The following GRM3 variants were observed in gnomAD, a reference collection of about 807,000 sequenced individuals.
The protein encoded by GRM3 is glutamate metabotropic receptor 3.
GRM3 carries 26 observed loss-of-function variants against 70.5 expected under a neutral mutation model. The ratio of observed to expected loss-of-function variants is 0.37; its 90% CI spans 0.27 to 0.51. The LOEUF (loss-of-function observed/expected upper bound fraction) is 0.51. GRM3 is among the 20% of genes least tolerant of loss of function. GRM3 has a pLI of 0.93. For synonymous variants in GRM3, 443 were observed against 434.9 expected (o/e 1.02, Z -0.23); for missense variants, 859 against 1,123.8 (o/e 0.76, Z 3.37).
chr7:86,663,788 A>G (rs1477758953), intron 1 of GRM3, among the ~76,000 whole-genome samples: 1 of 151,998 alleles, frequency 6.6e-6, no homozygotes, highest in African/African-American at 2.4e-5. Flanking sequence ...GAATAATCAT[A>G]TGTCTCAAAG....
intron 3 of GRM3, among the ~76,000 whole-genome samples, chr7:86,822,356 G>C (rs1226480996): frequency 6.6e-6 from 1 of 152,080 alleles, no homozygotes; most frequent in Non-Finnish European, 1.5e-5. Context: ...TATAATGTGA[G>C]AGAAAGATAG....
intron 3 of GRM3, among the ~76,000 whole-genome samples, chr7:86,799,337 T>C (rs777097525): frequency 5.3e-5 from 8 of 152,162 alleles, no homozygotes; most frequent in Non-Finnish European, 8.8e-5. Flanking sequence ...GAATACTCTT[T>C]ATTCCTTTCT....
At chr7:86,694,511 C>CAAAAAAAAAAAAAA (rs1226119828) in intron 1 of GRM3, among the ~76,000 whole-genome samples, 5 of 37,768 alleles carry the variant, frequency 1.3e-4, no homozygotes, top group Non-Finnish European at 2.0e-4. Flanking sequence ...GACTCTGTCT[C>CAAAAAAAAAAAAAA]AAAAAAAAAA....
chr7:86,821,505 C>G (rs1798118935), intron 3 of GRM3, among the ~76,000 whole-genome samples: 1 of 152,120 alleles, frequency 6.6e-6, no homozygotes, highest in Non-Finnish European at 1.5e-5. Flanking sequence ...GGACTAATCA[C>G]TTTTAATTTA....
intron 1 of GRM3, 136 bp downstream of exon 1, chr7:86,645,008 G>A (rs1793421937): frequency 5.2e-6 from 2 of 383,238 alleles, no homozygotes; most frequent in South Asian, 4.0e-5. Flanking sequence ...CCTGACTGGA[G>A]TGGGAAGGGT....
At chr7:86,684,982 C>T (rs917640096) in intron 1 of GRM3, among the ~76,000 whole-genome samples, 3 of 152,166 alleles carry the variant, frequency 2.0e-5, no homozygotes, top group African/African-American at 7.2e-5. Context: ...AAAAAGGAAG[C>T]ATGCTATCCA....
At chr7:86,663,069 T>C (rs1236179686) in intron 1 of GRM3, among the ~76,000 whole-genome samples, 1 of 151,934 alleles carries the variant, frequency 6.6e-6, no homozygotes, top group Non-Finnish European at 1.5e-5. Context: ...GACCTTTTAC[T>C]AGAAATTCAA....
At chr7:86,647,238 C>T (rs373354369) in intron 1 of GRM3, among the ~76,000 whole-genome samples, 10 of 152,116 alleles carry the variant, frequency 6.6e-5, no homozygotes, top group African/African-American at 2.4e-4. Flanking sequence ...TATTTCATGT[C>T]GAACTATCTT....
chr7:86,767,544 T>C (rs933464113), intron 2 of GRM3, among the ~76,000 whole-genome samples: 1 of 108,392 alleles, frequency 9.2e-6, no homozygotes, highest in African/African-American at 3.7e-5. Context: ...TATATATATA[T>C]ATATATATAT....
chr7:86,663,737 G>A (rs1304386494), intron 1 of GRM3, among the ~76,000 whole-genome samples: 1 of 151,964 alleles, frequency 6.6e-6, no homozygotes. Flanking sequence ...AGCCATTTAA[G>A]CCCCTGCCCA....
chr7:86,836,617 AC>A (rs1458575297), intron 3 of GRM3, among the ~76,000 whole-genome samples: 1 of 152,136 alleles, frequency 6.6e-6, no homozygotes, highest in Non-Finnish European at 1.5e-5. Context: ...GAATTGAATA[AC>A]ATCTCCCTCC....
At chr7:86,667,437 A>AT (rs1299528987) in intron 1 of GRM3, among the ~76,000 whole-genome samples, 3 of 152,074 alleles carry the variant, frequency 2.0e-5, no homozygotes, top group Admixed American at 2.0e-4. Flanking sequence ...CATTTTTCTG[A>AT]TTTTATCAAG....
Position 86,774,138 on chromosome 7 carries a change from C to T in GRM3, c.468+8525C>T, listed in dbSNP as rs183098328. Reference sequence around the variant, plus strand: ...TTTTGCCTTAATGACACAAAGTTCTCTTTCCAAATTACCATTAAATATGTG... The same window carrying T: ...TTTTGCCTTAATGACACAAAGTTCTTTTTCCAAATTACCATTAAATATGTG... On this transcript the variant is annotated intron_variant, in intron 2 of 5. Transcript: ENST00000361669. 3.3e-4 allele frequency among the ~76,000 whole-genome samples: 51 copies of T among 152,242 alleles called. 1 individual carries two copies. The East Asian group carries it at 8.5e-3, about 25-fold the overall frequency.
At chr7:86,841,268 T>C (rs1798554368) in intron 4 of GRM3, among the ~76,000 whole-genome samples, 1 of 152,172 alleles carries the variant, frequency 6.6e-6, no homozygotes, top group Admixed American at 6.5e-5. Flanking sequence ...ACTATGTAAC[T>C]GAAACCTATG....
At chr7:86,780,777 C>G (rs1333328670) in intron 2 of GRM3, among the ~76,000 whole-genome samples, 1 of 152,058 alleles carries the variant, frequency 6.6e-6, no homozygotes, top group Non-Finnish European at 1.5e-5. Flanking sequence ...GATGGCCAGT[C>G]AGTAAACGAA....
At chr7:86,719,861 A>G (rs1795415942) in intron 1 of GRM3, among the ~76,000 whole-genome samples, 1 of 151,974 alleles carries the variant, frequency 6.6e-6, no homozygotes, top group African/African-American at 2.4e-5. Flanking sequence ...CATAAAGCCA[A>G]TGACACTAGC....
chr7:86,703,352 G>C lies in GRM3; in HGVS notation c.-141+58480G>C, dbSNP rs1341235426. Among the ~76,000 whole-genome samples, 7 of 152,030 alleles carry C rather than the reference G, an allele frequency of 4.6e-5. No homozygotes were observed. In the East Asian group the frequency reaches 1.2e-3, roughly 25 times the overall value. On this transcript the variant is annotated intron_variant, in intron 1 of 5. Coordinates refer to ENST00000361669, the MANE Select transcript of GRM3 (RefSeq NM_000840.3). ...CCGCTGTATGAAATGTAGTGTGAAA[G>C]GTTCATGGAATTTCTATATATTCTG...
intron 1 of GRM3, among the ~76,000 whole-genome samples, chr7:86,746,289 T>C (rs1304924330): frequency 7.0e-6 from 1 of 142,060 alleles, no homozygotes; most frequent in Non-Finnish European, 1.5e-5. Flanking sequence ...AATATATCCA[T>C]ACCACTGAGA....
chr7:86,857,517 T>C (rs1798873157), intron 5 of GRM3, among the ~76,000 whole-genome samples: 1 of 152,148 alleles, frequency 6.6e-6, no homozygotes, highest in Non-Finnish European at 1.5e-5. Flanking sequence ...GTCCAAATGG[T>C]GGTGGTTTAG....
Sources: gnomAD v4.1 joint callset for allele counts (sites outside exome capture counted in the v4.1 genomes callset) on GRCh38, gnomAD v4.1.1 for gene constraint, MANE v1.5 for transcripts, NCBI Gene and HGNC (gene_info 2026-07-23, HGNC 2026-07-21) for gene names.